Variants in NUP153 observed in about 807,000 individuals in gnomAD.
NUP153 encodes nuclear pore complex protein Nup153.
In NUP153, 27 loss-of-function variants were observed where a neutral mutation model predicts 134.6. The observed-to-expected ratio is 0.20, with a 90% confidence interval of 0.15 to 0.28. The LOEUF (loss-of-function observed/expected upper bound fraction) is 0.28, where lower values mean the gene tolerates loss of function less well. Among genes scored for constraint, NUP153 ranks in the 10% least tolerant of loss-of-function variants. NUP153 has a pLI of 1.00. For missense variants in NUP153, 1,821 were observed against 1,731.3 expected (o/e 1.05, Z -0.92); for synonymous variants, 640 against 623.5 (o/e 1.03, Z -0.40).
rs1764284352 is a variant in NUP153 at position 17,615,863 on chromosome 6, C to G, written c.*234G>C. 3 of 462,806 alleles carry G rather than the reference C, an allele frequency of 6.5e-6. No individual in the cohort carries two copies. The highest frequency in any genetic ancestry group is 7.7e-5 in the Admixed American group (2 of 25,892). 28.7% of individuals were successfully genotyped at this position (462,806 alleles called of 1,614,324 possible). A position where few individuals can be genotyped will look rare whatever the true frequency, so the allele number is the denominator to read the frequency against. On this transcript the variant is annotated 3_prime_UTR_variant, in exon 22 of 22. Coordinates refer to ENST00000262077, the MANE Select transcript of NUP153 (RefSeq NM_005124.4). This position sits in a 1 kb window ranked among gnomAD's most constrained non-coding sequence, Gnocchi z 5.7. ...CAAATCAGTGAATAATCTGCTGGATCATAAAATATTTTTGCTGAAGAATCA... is the reference window on the plus strand; with the variant it reads ...CAAATCAGTGAATAATCTGCTGGATGATAAAATATTTTTGCTGAAGAATCA...
intron 11 of NUP153, among the ~76,000 whole-genome samples, chr6:17,659,600 G>T (rs1305843941): frequency 6.6e-6 from 1 of 152,140 alleles, no homozygotes; most frequent in African/African-American, 2.4e-5. Context: ...AGCCTCCCGA[G>T]TAGCTGGGAC....
intron 14 of NUP153, among the ~76,000 whole-genome samples, chr6:17,641,370 A>G (rs1389672534): frequency 6.6e-6 from 1 of 152,056 alleles, no homozygotes; most frequent in Non-Finnish European, 1.5e-5. Context: ...CCCCATCTCC[A>G]CTAAAAATAC....
chr6:17,616,325 C>T (rs3777712), intron 21 of NUP153, 144 bp from the exon 22 acceptor site: 265,843 of 661,662 alleles, frequency 0.4, 58,862 homozygotes, highest in East Asian at 0.68. Flanking sequence ...TTTTCTGCTA[C>T]ACCTAACACA....
chr6:17,639,824 T>A, intron 15 of NUP153, 115 bp downstream of exon 15: 1 of 897,872 alleles, frequency 1.1e-6, no homozygotes, highest in Non-Finnish European at 1.6e-6. Flanking sequence ...TATTCAAAAG[T>A]AAATCTCCTA....
intron 11 of NUP153, 70 bp downstream of exon 11, chr6:17,661,583 T>A: frequency 6.8e-7 from 1 of 1,481,346 alleles, no homozygotes; most frequent in Non-Finnish European, 9.0e-7. Flanking sequence ...CCCCTACAGG[T>A]CTCCCCTTAC....
At chr6:17,649,418 G>A (rs1766392346) in intron 11 of NUP153, 118 bp from the exon 12 acceptor site, 1 of 851,444 alleles carries the variant, frequency 1.2e-6, no homozygotes, top group East Asian at 3.0e-5. Flanking sequence ...TTAACATTAT[G>A]GGTTCTTCAA....
intron 18 of NUP153, among the ~76,000 whole-genome samples, chr6:17,626,460 T>C (rs1764954497): frequency 6.6e-6 from 1 of 152,232 alleles, no homozygotes; most frequent in Admixed American, 6.5e-5. Flanking sequence ...TGTAGTTGAA[T>C]AGCAAGCTTA....
chr6:17,706,399 C>G lies in NUP153; in HGVS notation c.-12G>C. ...GCTCCCGAGGCCATGGCGGAGCCTC[C>G]GCCGCTTCCCGCTCCGGGGCGGGTA... On this transcript the variant is annotated 5_prime_UTR_variant, in exon 1 of 22. Transcript: ENST00000262077. The surrounding 1 kb of genome is among the most constrained non-coding windows in gnomAD (Gnocchi z 5.9). The G allele has an allele frequency of 1.2e-6, 2 of 1,602,234 alleles. No individual in the cohort carries two copies. Among genetic ancestry groups the G allele is most frequent in the Non-Finnish European group, 1.7e-6 (2 of 1,172,846 alleles).
chr6:17,626,588 A>T (rs1764961452), intron 18 of NUP153, among the ~76,000 whole-genome samples: 1 of 152,238 alleles, frequency 6.6e-6, no homozygotes, highest in South Asian at 2.1e-4. Flanking sequence ...CACAGCATCA[A>T]CTAGTACAGC....
rs371255003 is a variant in NUP153 at position 17,686,062 on chromosome 6, C to T, written c.334+2334G>A. ...ACTTGGGAGGCTGAGGTGGGAGGAT[C>T]GCTTGAGCCTGGAAGGTTGAGGTTG... is the stretch of plus-strand genomic sequence containing the variant. On this transcript the variant is annotated intron_variant, in intron 2 of 21. Coordinates refer to ENST00000262077, the MANE Select transcript of NUP153 (RefSeq NM_005124.4). Among the ~76,000 whole-genome samples the T allele has an allele frequency of 4.0e-5, 6 of 151,836 alleles. No homozygotes were observed. The South Asian group carries it at 1.0e-3, about 26-fold the overall frequency.
rs374935354 is a variant in NUP153, at chr6:17,640,035, T to C, written c.1750A>G (p.Asn584Asp). ...AHHVTTVNST[N>D]CKKTPPEDCE... ...TCTTCAGGTGGTGTCTTCTTACAATTTGTACTGTTCACTGTAGTGACATGA... is the reference window on the plus strand; with the variant it reads ...TCTTCAGGTGGTGTCTTCTTACAATCTGTACTGTTCACTGTAGTGACATGA... The change falls in exon 15 of 22, where the codon AAT becomes GAT. Residue 584 changes from asparagine to aspartate, a missense_variant. Asn to Asp is a conservative substitution (Grantham distance 23, BLOSUM62 1). Transcript: ENST00000262077. 3.1e-5 allele frequency: 50 copies of C among 1,610,808 alleles called. No homozygotes were observed. Among genetic ancestry groups the C allele is most frequent in the Non-Finnish European group, 4.2e-5 (49 of 1,178,360 alleles).
At chr6:17,671,686 C>G (rs1767919508) in intron 5 of NUP153, among the ~76,000 whole-genome samples, 1 of 152,036 alleles carries the variant, frequency 6.6e-6, no homozygotes, top group Non-Finnish European at 1.5e-5. Context: ...GCCTATTCTC[C>G]CCAAATTGGT....
At chr6:17,632,916 C>T (rs1325300034) in intron 16 of NUP153, 72 bp from the exon 17 acceptor site, 3 of 1,080,668 alleles carry the variant, frequency 2.8e-6, no homozygotes, top group Non-Finnish European at 1.3e-6. Flanking sequence ...ATGTCAGTAT[C>T]TTAATGGCAC....
chr6:17,616,121 C>A lies in NUP153; in HGVS notation c.4404G>T (p.Lys1468Asn). 1 of 1,613,696 alleles carries A rather than the reference C, an allele frequency of 6.2e-7. No individual in the cohort carries two copies. Among genetic ancestry groups the A allele is most frequent in the Non-Finnish European group, 8.5e-7 (1 of 1,179,648 alleles). The change falls in exon 22 of 22, where the codon AAG becomes AAT. Residue 1468 changes from lysine (K) to asparagine (N), a missense_variant. By Grantham distance (94) the Lys-to-Asn change is moderately conservative (BLOSUM62 0). Coordinates refer to ENST00000262077, the MANE Select transcript of NUP153 (RefSeq NM_005124.4). ...SGTSFSGRKI[K>N]TAVRRRK ...TTTATTTCCTGCGTCTAACAGCAGT[C>A]TTTATCTTGCGACCAGAGAATGAAG...
intron 21 of NUP153, 53 bp from the exon 22 acceptor site, chr6:17,616,234 C>G (rs1764309957): frequency 2.3e-5 from 20 of 867,604 alleles, no homozygotes; most frequent in Non-Finnish European, 3.3e-5. Context: ...GCAAAATTTC[C>G]AAATGCTAAC....
At chr6:17,632,872 G>C in intron 16 of NUP153, 28 bp from the exon 17 acceptor site, 1 of 1,427,800 alleles carries the variant, frequency 7.0e-7, no homozygotes, top group Non-Finnish European at 9.4e-7. Flanking sequence ...AACGGGGAGT[G>C]GGGGGAGATT....
intron 11 of NUP153, among the ~76,000 whole-genome samples, 194 bp downstream of exon 11, chr6:17,661,459 T>C (rs1482733764): frequency 6.6e-6 from 1 of 152,232 alleles, no homozygotes; most frequent in Non-Finnish European, 1.5e-5. Flanking sequence ...GGTAGTTTTG[T>C]TTTGTTCTAT....
chr6:17,695,033 G>T (rs545324708), intron 1 of NUP153, among the ~76,000 whole-genome samples: 140 of 152,032 alleles, frequency 9.2e-4, no homozygotes, highest in Non-Finnish European at 1.5e-3. Flanking sequence ...GAACAAAAAG[G>T]TGCTAAGACC....
chr6:17,699,367 G>A (rs777952400), intron 1 of NUP153, among the ~76,000 whole-genome samples: 6 of 150,848 alleles, frequency 4.0e-5, no homozygotes, highest in Non-Finnish European at 7.4e-5. Context: ...ATAATGGTGC[G>A]TGCTACTCCA....
Sources: allele counts gnomAD v4.1 joint callset (sites outside exome capture counted in the v4.1 genomes callset), GRCh38; gene constraint gnomAD v4.1.1; non-coding constraint Gnocchi (gnomAD v3.1); transcripts MANE v1.5; gene names NCBI Gene and HGNC (gene_info 2026-07-23, HGNC 2026-07-21).